The following EPB41L1 variants were observed in gnomAD, a reference collection of about 807,000 sequenced individuals.
EPB41L1 encodes the protein erythrocyte membrane protein band 4.1 like 1.
In EPB41L1, 29 loss-of-function variants were observed where a neutral mutation model predicts 97.8. That is an observed-to-expected ratio of 0.30 (90% CI 0.22 to 0.40). EPB41L1 has a LOEUF of 0.40. EPB41L1 is among the 10% of genes least tolerant of loss of function. The pLI is 1.00. For missense variants in EPB41L1, 812 were observed against 1,162.3 expected, an observed-to-expected ratio of 0.70 and a Z score of 4.38; for synonymous variants, 383 against 459.2, an observed-to-expected ratio of 0.83 and a Z score of 2.12.
intron 1 of EPB41L1, among the ~76,000 whole-genome samples, chr20:36,096,396 T>G (rs1436114270): frequency 6.6e-6 from 1 of 152,210 alleles, no homozygotes; most frequent in African/African-American, 2.4e-5. Context: ...CCTGATCTGC[T>G]CAGTTTCTCC....
intron 2 of EPB41L1, among the ~76,000 whole-genome samples, chr20:36,174,475 A>G (rs1260263142): frequency 6.6e-6 from 1 of 151,456 alleles, no homozygotes; most frequent in Non-Finnish European, 1.5e-5. Context: ...GTCTCACCAT[A>G]TTGGCCAGGC....
intron 2 of EPB41L1, among the ~76,000 whole-genome samples, chr20:36,145,570 G>A (rs1317226623): frequency 6.6e-6 from 1 of 151,974 alleles, no homozygotes; most frequent in Non-Finnish European, 1.5e-5. Context: ...CCTTCACTCC[G>A]GTCACTGAGT....
At chr20:36,191,549 A>G (rs902923237) in intron 11 of EPB41L1, among the ~76,000 whole-genome samples, 3 of 152,170 alleles carry the variant, frequency 2.0e-5, no homozygotes, top group Admixed American at 6.5e-5. Flanking sequence ...CTACTAAATC[A>G]GCACCCTTCA....
At chr20:36,163,806 G>T (rs746436057) in intron 1 of EPB41L1, among the ~76,000 whole-genome samples, 1 of 152,096 alleles carries the variant, frequency 6.6e-6, no homozygotes, top group Non-Finnish European at 1.5e-5. Flanking sequence ...AATTGGGGAA[G>T]ATACACCCAG....
At chr20:36,199,839 G>C (rs933533376) in intron 14 of EPB41L1, among the ~76,000 whole-genome samples, 1 of 152,178 alleles carries the variant, frequency 6.6e-6, no homozygotes, top group Non-Finnish European at 1.5e-5. Context: ...CTCCAGAAGA[G>C]AAGGGGAGGA....
At chr20:36,132,725 G>A (rs572830239) in intron 2 of EPB41L1, among the ~76,000 whole-genome samples, 1 of 151,724 alleles carries the variant, frequency 6.6e-6, no homozygotes, top group African/African-American at 2.4e-5. Flanking sequence ...GCCGGGGAGG[G>A]GTATGAGAGA....
chr20:36,224,342 G>A (rs909722776), intron 21 of EPB41L1, among the ~76,000 whole-genome samples: 8 of 152,154 alleles, frequency 5.3e-5, no homozygotes, highest in African/African-American at 1.9e-4. Flanking sequence ...TAGGTAAAAT[G>A]TACTATTAAA....
At chr20:36,118,770 T>C (rs1411245629) in intron 2 of EPB41L1, among the ~76,000 whole-genome samples, 2 of 152,306 alleles carry the variant, frequency 1.3e-5, no homozygotes, top group East Asian at 3.9e-4. Context: ...TGAATGTAAA[T>C]TTATTTATTT....
chr20:36,222,012 C>T (rs2063809960), intron 20 of EPB41L1, 68 bp downstream of exon 20: 10 of 1,516,212 alleles, frequency 6.6e-6, no homozygotes, highest in Admixed American at 3.3e-5. Flanking sequence ...TGTTGGGTTA[C>T]CCATGGATGG....
chr20:36,218,774 A>C (rs1204199774), intron 17 of EPB41L1, 102 bp from the exon 18 acceptor site: 5 of 1,031,960 alleles, frequency 4.8e-6, no homozygotes, highest in African/African-American at 1.6e-5. Context: ...TATTATTTCT[A>C]CTCAACCTTG....
At chr20:36,169,756 C>A (rs888777066) in intron 1 of EPB41L1, among the ~76,000 whole-genome samples, 1 of 152,222 alleles carries the variant, frequency 6.6e-6, no homozygotes, top group African/African-American at 2.4e-5. Context: ...CACCTCCCCA[C>A]CCTAGAAGCT....
intron 9 of EPB41L1, 142 bp downstream of exon 9, chr20:36,188,641 CAG>C (rs112151910): frequency 0.054 from 13,873 of 255,910 alleles, 208 homozygotes; most frequent in South Asian, 0.092. Flanking sequence ...CACACACACA[CAG>C]AGAGAGAGAG....
At chr20:36,159,621 G>A (rs1482661988) in intron 1 of EPB41L1, among the ~76,000 whole-genome samples, 1 of 152,178 alleles carries the variant, frequency 6.6e-6, no homozygotes, top group Non-Finnish European at 1.5e-5. Context: ...GCAAATACTT[G>A]TCCGATGAAA....
chr20:36,215,044 C>T (rs1162516780), intron 17 of EPB41L1, among the ~76,000 whole-genome samples: 4 of 149,930 alleles, frequency 2.7e-5, no homozygotes, highest in South Asian at 2.2e-4. Context: ...TAAGAGACCC[C>T]GGCAACACTA....
rs188656061 is a variant in EPB41L1 at position 36,127,169 on chromosome 20, T to G, written c.-10+14689T>G. 2.1e-3 allele frequency among the ~76,000 whole-genome samples: 315 copies of G among 152,328 alleles called. 6 individuals carry two copies. In the South Asian group the frequency reaches 0.042, roughly 20 times the overall value. On this transcript the variant is annotated intron_variant, in intron 2 of 19. Coordinates refer to the EPB41L1 transcript ENST00000202028. ...ATGAGCTCAGAGATATGACTGAAGT[T>G]TCAGGGCTAAAACCAAAGGGATTGG... is the stretch of plus-strand genomic sequence containing the variant.
intron 2 of EPB41L1, among the ~76,000 whole-genome samples, chr20:36,123,179 G>T (rs1329113126): frequency 1.3e-5 from 2 of 151,984 alleles, no homozygotes; most frequent in East Asian, 1.9e-4. Flanking sequence ...TGATCGGGGG[G>T]GAGGGGCAGA....
intron 2 of EPB41L1, among the ~76,000 whole-genome samples, chr20:36,140,404 A>C (rs1032326242): frequency 6.6e-6 from 1 of 152,104 alleles, no homozygotes; most frequent in Admixed American, 6.5e-5. Flanking sequence ...CATGGTAGTC[A>C]AAGTATACAC....
At chr20:36,110,021 G>A (rs1326412374) in intron 1 of EPB41L1, 3 of 149,614 alleles carry the variant, frequency 2.0e-5, no homozygotes, top group South Asian at 2.1e-4. Flanking sequence ...GGCTCACCGC[G>A]ACCTCTGCCT....
At chr20:36,179,424 T>C (rs982478310) in intron 5 of EPB41L1, among the ~76,000 whole-genome samples, 100 of 152,218 alleles carry the variant, frequency 6.6e-4, no homozygotes, top group African/African-American at 2.2e-3. Flanking sequence ...AGCCAAATGT[T>C]GGCTGAGCCA....
Sources: gnomAD v4.1 joint callset for allele counts (sites outside exome capture counted in the v4.1 genomes callset) on GRCh38, gnomAD v4.1.1 for gene constraint, MANE v1.5 for transcripts, NCBI Gene and HGNC (gene_info 2026-07-23, HGNC 2026-07-21) for gene names.